The following NBAS variants were observed in gnomAD, a reference collection of about 807,000 sequenced individuals.
The protein encoded by NBAS is NBAS subunit of NRZ tethering complex, also known as NAG/BC035112 fusion.
A neutral mutation model predicts 302.5 loss-of-function variants in NBAS; 219 were observed. The ratio of observed to expected loss-of-function variants is 0.72; its 90% CI spans 0.65 to 0.81. The LOEUF (loss-of-function observed/expected upper bound fraction) is 0.81. Ranked by LOEUF, NBAS falls within the 30% of genes least tolerant of loss-of-function variation. The pLI is 0.00. For synonymous variants in NBAS, 1,118 were observed against 1,021.6 expected (o/e 1.09, Z -1.80); for missense variants, 2,932 against 2,841.6 (o/e 1.03, Z -0.72).
At chr2:14,791,220 A>C in the NBAS span, among the ~76,000 whole-genome samples, 628 of 151,536 alleles carry the variant, frequency 4.1e-3, 22 homozygotes, top group Admixed American at 0.039. Flanking sequence ...TGAACCCCCA[A>C]CCTCAGGTGA....
At chr2:14,984,077 C>A in the NBAS span, among the ~76,000 whole-genome samples, 1 of 152,094 alleles carries the variant, frequency 6.6e-6, no homozygotes, top group East Asian at 1.9e-4. Flanking sequence ...AATATATAAC[C>A]AATGAAGAAA....
At chr2:15,108,969 C>G in the NBAS span, among the ~76,000 whole-genome samples, 1 of 151,970 alleles carries the variant, frequency 6.6e-6, no homozygotes, top group Admixed American at 6.6e-5. Flanking sequence ...TCCACTGGAA[C>G]AAGGAAATAA....
intron 44 of NBAS, among the ~76,000 whole-genome samples, chr2:15,244,978 C>G (rs1401241856): frequency 6.6e-6 from 1 of 152,100 alleles, no homozygotes; most frequent in Non-Finnish European, 1.5e-5. Flanking sequence ...CAGTCCCACT[C>G]CTTCTCCTGA....
chr2:15,067,725 A>C, the NBAS span, among the ~76,000 whole-genome samples: 3 of 152,166 alleles, frequency 2.0e-5, no homozygotes, highest in African/African-American at 7.2e-5. Context: ...GTTAAACCAG[A>C]TGAGTAAGTT....
chr2:15,441,618 C>G (rs1347791916), intron 21 of NBAS, among the ~76,000 whole-genome samples: 1 of 150,444 alleles, frequency 6.6e-6, no homozygotes, highest in African/African-American at 2.5e-5. Flanking sequence ...AAATAACCAG[C>G]TAACATCATA....
rs755024450 is a variant in NBAS, at chr2:15,474,316, A to G, written c.1350T>C (p.Ile450=). The G allele has an allele frequency of 6.2e-7, 1 of 1,612,538 alleles. No homozygotes were observed. Among genetic ancestry groups the G allele is most frequent in the Admixed American group, 1.7e-5 (1 of 59,872 alleles). The part of the protein sequence containing the change: ...DGGFLSLECE[I]KLAPKRSRLE... ...AACGAGATCGTTTGGGGGCAAGTTT[A>G]ATCTCACACTAAATTGAAAAAGGAG... Residue 450 remains isoleucine, a synonymous_variant, in exon 15 of 52, where the codon ATT becomes ATC. Transcript: ENST00000281513.
At chr2:15,219,884 C>T (rs1348725709) in intron 47 of NBAS, among the ~76,000 whole-genome samples, 20 of 134,158 alleles carry the variant, frequency 1.5e-4, no homozygotes, top group South Asian at 9.8e-4. Context: ...GGGCTCCTCA[C>T]TTCCCAGTAG....
intron 9 of NBAS, among the ~76,000 whole-genome samples, chr2:15,513,666 G>A (rs776831345): frequency 2.0e-5 from 3 of 151,718 alleles, no homozygotes; most frequent in Non-Finnish European, 4.4e-5. Context: ...CAGACAGAAG[G>A]AGGATATGGA....
At chr2:15,457,571 T>A (rs151195792) in intron 21 of NBAS, among the ~76,000 whole-genome samples, 100 of 152,352 alleles carry the variant, frequency 6.6e-4, no homozygotes, top group African/African-American at 2.4e-3. Flanking sequence ...TAACAGGAAG[T>A]GCTACTGCTT....
the NBAS span, among the ~76,000 whole-genome samples, chr2:14,949,539 G>A: frequency 6.6e-6 from 1 of 152,096 alleles, no homozygotes; most frequent in Non-Finnish European, 1.5e-5. Context: ...ACAGTATATT[G>A]AATAGATATC....
At chr2:15,099,500 ATT>A in the NBAS span, among the ~76,000 whole-genome samples, 1 of 152,066 alleles carries the variant, frequency 6.6e-6, no homozygotes, top group Admixed American at 6.6e-5. Context: ...AATTTCAGGG[ATT>A]TCTGAGATGG....
chr2:15,171,875 C>G (rs1039579988), intron 51 of NBAS, among the ~76,000 whole-genome samples: 1 of 152,226 alleles, frequency 6.6e-6, no homozygotes, highest in Non-Finnish European at 1.5e-5. Context: ...CGTCGACACG[C>G]CAAGGAGAGA....
At chr2:15,466,695 C>G (rs1017656576) in intron 19 of NBAS, among the ~76,000 whole-genome samples, 3 of 152,104 alleles carry the variant, frequency 2.0e-5, no homozygotes, top group African/African-American at 7.2e-5. Context: ...CCTAGCACTT[C>G]AGGAGGCTGA....
the NBAS span, among the ~76,000 whole-genome samples, chr2:14,785,930 G>A: frequency 5.0e-3 from 756 of 152,226 alleles, 11 homozygotes; most frequent in African/African-American, 0.017. Flanking sequence ...GGTAGAATTC[G>A]GCTGTGAATC....
chr2:15,090,480 C>T, the NBAS span, among the ~76,000 whole-genome samples: 1 of 152,204 alleles, frequency 6.6e-6, no homozygotes. Flanking sequence ...CTTGAGCAAG[C>T]TATAAAAATC....
At chr2:15,279,821 A>C (rs3828463) in intron 42 of NBAS, among the ~76,000 whole-genome samples, 91,000 of 152,060 alleles carry the variant, frequency 0.6, 29,945 homozygotes, top group African/African-American at 0.87. Context: ...TCATTTTAAT[A>C]GTTTCCATTC....
chr2:15,459,455 A>C (rs977994193), intron 21 of NBAS, among the ~76,000 whole-genome samples: 4 of 152,094 alleles, frequency 2.6e-5, no homozygotes, highest in African/African-American at 9.7e-5. Context: ...CTCACTATAC[A>C]GATCTAAAAA....
At chr2:15,031,353 C>T in the NBAS span, among the ~76,000 whole-genome samples, 3 of 152,208 alleles carry the variant, frequency 2.0e-5, no homozygotes, top group African/African-American at 7.2e-5. Flanking sequence ...ATAATCTCAA[C>T]ATGTCCACAG....
At chr2:15,129,454 C>T in the NBAS span, among the ~76,000 whole-genome samples, 6 of 152,178 alleles carry the variant, frequency 3.9e-5, no homozygotes, top group Non-Finnish European at 5.9e-5. Context: ...GAGTCTTCTC[C>T]TCGATGCCCC....
Sources: allele counts gnomAD v4.1 joint callset (sites outside exome capture counted in the v4.1 genomes callset), GRCh38; gene constraint gnomAD v4.1.1; transcripts MANE v1.5; gene names NCBI Gene and HGNC (gene_info 2026-07-23, HGNC 2026-07-21).